The following BHMT variants were observed in gnomAD, a reference collection of about 807,000 sequenced individuals.
The protein encoded by BHMT is betaine--homocysteine S-methyltransferase 1.
BHMT carries 38 observed loss-of-function variants against 49.5 expected under a neutral mutation model. The ratio of observed to expected loss-of-function variants is 0.77; its 90% CI spans 0.59 to 1.01. BHMT has a LOEUF of 1.01. BHMT is among the 50% of genes least tolerant of loss of function. The pLI, the probability that BHMT is intolerant of heterozygous loss-of-function variation, is 0.00. For synonymous variants in BHMT, 166 were observed against 176.3 expected, an observed-to-expected ratio of 0.94 and a Z score of 0.46; for missense variants, 426 against 495.7, an observed-to-expected ratio of 0.86 and a Z score of 1.34.
Position 79,131,058 on chromosome 5 carries a change from C to A in BHMT, c.1163C>A (p.Ala388Asp). ...GCCGAGCTGATGCAGCAGAAAGAAG[C>A]CACAACTGAGCAGCAGCTGAAAGAG... ...GTAELMQQKE[A>D]TTEQQLKELF... Residue 388 changes from alanine to aspartate, a missense_variant, in exon 8 of 8, where the codon GCC (alanine) becomes GAC (aspartate). Physicochemically the swap from Ala to Asp is moderately radical, Grantham distance 126. Coordinates refer to ENST00000274353, the MANE Select transcript of BHMT (RefSeq NM_001713.3). 1 of 1,613,590 alleles carries A rather than the reference C, an allele frequency of 6.2e-7. No individual in the cohort carries two copies. Among genetic ancestry groups the A allele is most frequent in the Admixed American group, 1.7e-5 (1 of 59,956 alleles).
chr5:79,131,112 A>T lies in BHMT; in HGVS notation c.1217A>T (p.Gln406Leu), dbSNP rs767597704. 6.8e-6 allele frequency: 11 copies of T among 1,611,746 alleles called. No individual in the cohort carries two copies. In the South Asian group the frequency reaches 1.2e-4, roughly 18 times the overall value. Reference sequence around the variant, plus strand: ...TTTGAAAAACAAAAATTCAAATCACAGTAGCCTCGATAGAAGCTATTTTTG... The same window carrying T: ...TTTGAAAAACAAAAATTCAAATCACTGTAGCCTCGATAGAAGCTATTTTTG... ...ELFEKQKFKS[Q>L] The change falls in exon 8 of 8, where the codon CAG becomes CTG. Residue 406 changes from glutamine (Q) to leucine (L), a missense_variant. By Grantham distance (113) the Gln-to-Leu change is moderately radical (BLOSUM62 -2). Transcript: ENST00000274353.
At chr5:79,127,472 A>G (rs966963576) in intron 6 of BHMT, among the ~76,000 whole-genome samples, 1 of 152,304 alleles carries the variant, frequency 6.6e-6, no homozygotes, top group South Asian at 2.1e-4. Flanking sequence ...CAGTTCTGCC[A>G]TATTCTATGG....
chr5:79,126,768 C>T (rs752310310), intron 6 of BHMT, among the ~76,000 whole-genome samples: 1 of 151,932 alleles, frequency 6.6e-6, no homozygotes, highest in Non-Finnish European at 1.5e-5. Flanking sequence ...ATGAAGAGAC[C>T]AAGCAGATGA....
chr5:79,119,145 G>A (rs1756427406), intron 2 of BHMT, 114 bp from the exon 3 acceptor site: 1 of 845,366 alleles, frequency 1.2e-6, no homozygotes, highest in Non-Finnish European at 1.9e-6. Flanking sequence ...ATGTGCAAAT[G>A]TCAAGCAACC....
intron 3 of BHMT, among the ~76,000 whole-genome samples, chr5:79,120,092 A>G (rs991383361): frequency 1.3e-5 from 2 of 152,190 alleles, no homozygotes; most frequent in Admixed American, 1.3e-4. Context: ...ACATCCTTCA[A>G]TGTAAAAACT....
In BHMT at chr5:79,130,904, G is replaced by A. The variant is rs766955934; in HGVS notation, c.1038-29G>A. ...ACCAAAGCTAGGGGAGGAGTCTGTT[G>A]TCTGGTGTCATGTGTTTTGTTCACA... On this transcript the variant is annotated intron_variant, in intron 7 of 7. Coordinates refer to ENST00000274353, the MANE Select transcript of BHMT (RefSeq NM_001713.3). 5.3e-5 allele frequency: 83 copies of A among 1,559,490 alleles called. No individual in the cohort carries two copies. The Admixed American group carries it at 1.5e-3, about 29-fold the overall frequency.
chr5:79,119,599 G>C (rs1207792128), intron 3 of BHMT: 1 of 385,134 alleles, frequency 2.6e-6, no homozygotes, highest in African/African-American at 2.1e-5. Context: ...GGTATTTAAT[G>C]ATTAATGATT....
chr5:79,128,235 T>G, intron 7 of BHMT: 1 of 496,296 alleles, frequency 2.0e-6, no homozygotes, highest in Non-Finnish European at 3.4e-6. Flanking sequence ...TGTTTTTAAA[T>G]ATAGGCTGGG....
intron 5 of BHMT, 26 bp from the exon 6 acceptor site, chr5:79,126,019 AG>A (rs1756547184): frequency 6.3e-7 from 1 of 1,581,444 alleles, no homozygotes; most frequent in Non-Finnish European, 8.6e-7. Flanking sequence ...TGCATCCCTA[AG>A]TCTATCATGT....
rs371204172 is a variant in BHMT at position 79,120,326 on chromosome 5, G to A, written c.286-24G>A. 2.6e-6 allele frequency: 4 copies of A among 1,531,792 alleles called. No individual in the cohort carries two copies. In the African/African-American group the frequency reaches 5.6e-5, roughly 22 times the overall value. The allele number at this position is 1,531,792 out of a possible 1,614,324, so 94.9% of individuals were successfully genotyped here. ...TTCAATTTCACATGAAAATTTAGAT[G>A]TCTCATATACTCACCCATTTTAGGG... On this transcript the variant is annotated intron_variant, in intron 3 of 7. Transcript: ENST00000274353.
At chr5:79,126,297 A>G in intron 6 of BHMT, 69 bp downstream of exon 6, 1 of 1,526,664 alleles carries the variant, frequency 6.6e-7, no homozygotes, top group Non-Finnish European at 9.0e-7. Flanking sequence ...AAGTAAATCT[A>G]TACCCAGAGA....
chr5:79,120,235 T>G, intron 3 of BHMT, 115 bp from the exon 4 acceptor site: 3 of 1,082,252 alleles, frequency 2.8e-6, no homozygotes, highest in Non-Finnish European at 3.9e-6. Flanking sequence ...ATAACAGTCA[T>G]TTTCTGGAAT....
intron 1 of BHMT, among the ~76,000 whole-genome samples, chr5:79,112,518 G>A (rs1001854243): frequency 6.6e-6 from 1 of 152,218 alleles, no homozygotes; most frequent in Non-Finnish European, 1.5e-5. Context: ...CTCCCCGCCG[G>A]GTTCTCGCTG....
At chr5:79,124,917 T>C (rs1756525370) in intron 5 of BHMT, among the ~76,000 whole-genome samples, 1 of 152,162 alleles carries the variant, frequency 6.6e-6, no homozygotes, top group Admixed American at 6.5e-5. Context: ...AGCAAACACG[T>C]GTCTAAAAAA....
chr5:79,131,012 T>C lies in BHMT; in HGVS notation c.1117T>C (p.Trp373Arg). The part of the protein sequence containing the change: ...YNPSMSKPDG[W>R]GVTKGTAELM... ...CCCTTCAATGTCAAAGCCAGATGGC[T>C]GGGGAGTGACCAAAGGAACAGCCGA... The change falls in exon 8 of 8, where the codon TGG (tryptophan) becomes CGG (arginine). Residue 373 changes from tryptophan (W) to arginine (R), a missense_variant. Transcript: ENST00000274353. 6.2e-7 allele frequency: 1 copy of C among 1,613,922 alleles called. No homozygotes were observed. The highest frequency in any genetic ancestry group is 8.5e-7 in the Non-Finnish European group (1 of 1,179,974).
At chr5:79,115,304 A>G (rs77624028) in intron 1 of BHMT, among the ~76,000 whole-genome samples, 8 of 126,222 alleles carry the variant, frequency 6.3e-5, no homozygotes, top group South Asian at 2.3e-4. Context: ...TGTCTCTAAG[A>G]AAAAAAAAAA....
At chr5:79,128,597 C>T (rs911024819) in intron 7 of BHMT, among the ~76,000 whole-genome samples, 17 of 150,744 alleles carry the variant, frequency 1.1e-4, no homozygotes, top group Non-Finnish European at 2.4e-4. Flanking sequence ...TGATTTTGTG[C>T]TCTAGTAAAG....
In BHMT at chr5:79,131,424, G is replaced by A. The variant is rs1199113995; in HGVS notation, c.*308G>A. The A allele has an allele frequency of 2.2e-5, 5 of 222,442 alleles. No homozygotes were observed. Among genetic ancestry groups the A allele is most frequent in the Non-Finnish European group, 3.5e-5 (4 of 113,616 alleles). 13.8% of individuals were successfully genotyped at this position (222,442 alleles called of 1,614,324 possible). A position where few individuals can be genotyped will look rare whatever the true frequency, so the allele number is the denominator to read the frequency against. The stretch of plus-strand genomic sequence containing the variant: ...AATTCAGATGTTAATGCCACTTGAA[G>A]AAGTTGGTAGGCTAGCAAAGAGGAT... On this transcript the variant is annotated 3_prime_UTR_variant, in exon 8 of 8. Coordinates refer to ENST00000274353, the MANE Select transcript of BHMT (RefSeq NM_001713.3).
chr5:79,120,440 C>T lies in BHMT; in HGVS notation c.376C>T (p.Pro126Ser), dbSNP rs1041682182. Residue 126 changes from proline (P) to serine (S), a missense_variant, in exon 4 of 8, where the codon CCT (proline) becomes TCT (serine). Around this residue, in one of 3 missense-constraint regions of BHMT, gnomAD observed 321 missense variants for 355.9 expected, o/e 0.90. Coordinates refer to ENST00000274353, the MANE Select transcript of BHMT (RefSeq NM_001713.3). ...GGTAGCAGGAGGAGTGAGTCAGACA[C>T]CTTCATACCTTAGCTGCAAGAGTGA... ...ALVAGGVSQT[P>S]SYLSCKSETE... The T allele has an allele frequency of 2.0e-5, 32 of 1,613,974 alleles. No individual in the cohort carries two copies. Among genetic ancestry groups the T allele is most frequent in the African/African-American group, 2.7e-5 (2 of 74,922 alleles).
Sources: gnomAD v4.1 joint callset for allele counts (sites outside exome capture counted in the v4.1 genomes callset) on GRCh38, gnomAD v4.1.1 for gene constraint, gnomAD v4.1.1 regional missense constraint, MANE v1.5 for transcripts, NCBI Gene and HGNC (gene_info 2026-07-23, HGNC 2026-07-21) for gene names.